Variants in RTTN observed in about 807,000 individuals in gnomAD.
The protein encoded by RTTN is rotatin.
RTTN carries 182 observed loss-of-function variants against 269.2 expected under a neutral mutation model. That is an observed-to-expected ratio of 0.68 (90% CI 0.60 to 0.76). RTTN has a LOEUF of 0.76. Ranked by LOEUF, RTTN falls within the 30% of genes least tolerant of loss-of-function variation. The probability of loss-of-function intolerance (pLI) is 0.00; values close to 1 mark genes in which losing one functional copy is unlikely to be tolerated. For missense variants in RTTN, 2,545 were observed against 2,608.6 expected (o/e 0.98, Z 0.53); for synonymous variants, 1,006 against 963.5 (o/e 1.04, Z -0.82).
At chr18:70,175,045 C>A (rs1277351872) in intron 11 of RTTN, among the ~76,000 whole-genome samples, 243 of 86,814 alleles carry the variant, frequency 2.8e-3, no homozygotes, top group Middle Eastern at 0.011. Context: ...AAACCAAAAC[C>A]AAAAAAAAAA....
rs2060373881 is a variant in RTTN at position 70,145,770 on chromosome 18, C to T, written c.2323G>A (p.Ala775Thr). 1 of 1,608,922 alleles carries T rather than the reference C, an allele frequency of 6.2e-7. No homozygotes were observed. Among genetic ancestry groups the T allele is most frequent in the Non-Finnish European group, 8.5e-7 (1 of 1,178,344 alleles). The change falls in exon 18 of 49, where the codon GCA (alanine) becomes ACA (threonine). Residue 775 changes from alanine to threonine, a missense_variant. Physicochemically the swap from Ala to Thr is moderately conservative, Grantham distance 58. Coordinates refer to ENST00000640769, the MANE Select transcript of RTTN (RefSeq NM_173630.4). The part of the protein sequence containing the change: ...LVKKPSVRSL[A>T]LKLLAFHLTS... ...AGATGGAATGCTAAAAGCTTTAATGCTAGCGAACGGACCCTGAGAACACAA... is the reference window on the plus strand; with the variant it reads ...AGATGGAATGCTAAAAGCTTTAATGTTAGCGAACGGACCCTGAGAACACAA...
chr18:70,133,649 C>CA (rs1366390770), intron 23 of RTTN, among the ~76,000 whole-genome samples: 4 of 151,906 alleles, frequency 2.6e-5, no homozygotes, highest in African/African-American at 9.7e-5. Flanking sequence ...TTATAAAGTT[C>CA]AAAAACTAGC....
chr18:70,011,089 GTAAT>G (rs1170308444), intron 46 of RTTN, among the ~76,000 whole-genome samples: 2 of 152,104 alleles, frequency 1.3e-5, no homozygotes, highest in Non-Finnish European at 2.9e-5. Context: ...AATTGAGGCA[GTAAT>G]TAATAGCCTA....
chr18:70,114,287 T>C (rs2059547626), intron 27 of RTTN, among the ~76,000 whole-genome samples, 158 bp downstream of exon 27: 1 of 152,110 alleles, frequency 6.6e-6, no homozygotes, highest in Non-Finnish European at 1.5e-5. Flanking sequence ...CAGATTAAAC[T>C]GAAACAAAAA....
intron 31 of RTTN, among the ~76,000 whole-genome samples, chr18:70,087,079 G>A (rs371502969): frequency 3.3e-5 from 5 of 150,496 alleles, no homozygotes; most frequent in East Asian, 1.9e-4. Flanking sequence ...ACAAACACAC[G>A]CACCCCTCTG....
In RTTN at chr18:70,205,630, A is replaced by C. The variant is rs2062061239; in HGVS notation, c.29T>G (p.Leu10Arg). Reference protein sequence around the residue: MVLAGLIRKLGHQLAEIRER... With the variant: MVLAGLIRKRGHQLAEIRER... Reference sequence around the variant, plus strand: ...GCGAGGGGCAAGCTGACAGTTACCGAGTTTCCTGATGAGCCCTGCCAGGAC... The same window carrying C: ...GCGAGGGGCAAGCTGACAGTTACCGCGTTTCCTGATGAGCCCTGCCAGGAC... Residue 10 changes from leucine (L) to arginine (R), a missense_variant and splice_region_variant, in exon 1 of 49, where the codon CTC becomes CGC. Physicochemically the swap from Leu to Arg is moderately radical, Grantham distance 102. Transcript: ENST00000640769. The C allele has an allele frequency of 6.2e-7, 1 of 1,614,034 alleles. No individual in the cohort carries two copies. Among genetic ancestry groups the C allele is most frequent in the Non-Finnish European group, 8.5e-7 (1 of 1,179,998 alleles).
chr18:70,039,708 G>A (rs1215475717), intron 40 of RTTN, among the ~76,000 whole-genome samples: 1 of 152,142 alleles, frequency 6.6e-6, no homozygotes, highest in Non-Finnish European at 1.5e-5. Flanking sequence ...CTTATCTTAA[G>A]TAGAGAGTCT....
intron 6 of RTTN, 129 bp downstream of exon 6, chr18:70,197,494 TA>T (rs1157706773): frequency 1.5e-5 from 10 of 674,802 alleles, no homozygotes; most frequent in Non-Finnish European, 2.7e-5. Flanking sequence ...GTGCTTTAAA[TA>T]GCCAAATACT....
intron 8 of RTTN, chr18:70,192,945 T>C (rs1425112460): frequency 5.6e-6 from 1 of 179,356 alleles, no homozygotes; most frequent in Non-Finnish European, 1.2e-5. Flanking sequence ...TCTAATGAAA[T>C]CGGAACTGAA....
chr18:70,130,373 T>C (rs1374451225), intron 23 of RTTN: 1 of 152,040 alleles, frequency 6.6e-6, no homozygotes, highest in African/African-American at 2.4e-5. Context: ...ATATGGAATC[T>C]ACCTAAGTGT....
In RTTN at chr18:70,168,529, T is replaced by C. The variant is rs114348498; in HGVS notation, c.1689+326A>G. ...AATAGCCCTTATAATTTTGGTTACATCAACTGTCATTCAGTTCATATCAGT... is the reference window on the plus strand; with the variant it reads ...AATAGCCCTTATAATTTTGGTTACACCAACTGTCATTCAGTTCATATCAGT... On this transcript the variant is annotated intron_variant, in intron 12 of 48. Transcript: ENST00000640769. Among the ~76,000 whole-genome samples, 770 of 152,284 alleles carry C rather than the reference T, an allele frequency of 5.1e-3. 7 individuals are homozygous for C. Among genetic ancestry groups the C allele is most frequent in the African/African-American group, 0.017 (723 of 41,558 alleles).
chr18:70,075,399 A>G lies in RTTN; in HGVS notation c.4517T>C (p.Leu1506Ser). ...HCYLGRCMFD[L>S]NFSAFDRNSE... is the part of the protein sequence containing the mutation. Reference sequence around the variant, plus strand: ...ATTTCTATCAAAAGCAGAAAAATTCAAATCAAACATACACCGTCCTAGGTA... The same window carrying G: ...ATTTCTATCAAAAGCAGAAAAATTCGAATCAAACATACACCGTCCTAGGTA... Residue 1506 changes from leucine (L) to serine (S), a missense_variant, in exon 33 of 49, where the codon TTG becomes TCG. Transcript: ENST00000640769. 1 of 1,595,592 alleles carries G rather than the reference A, an allele frequency of 6.3e-7. No homozygotes were observed. Among genetic ancestry groups the G allele is most frequent in the Admixed American group, 1.8e-5 (1 of 55,896 alleles).
At chr18:70,061,509 T>G in intron 35 of RTTN, 1 of 435,760 alleles carries the variant, frequency 2.3e-6, no homozygotes, top group East Asian at 7.1e-5. Context: ...TATATACGTA[T>G]GCATGCACAT....
chr18:70,175,273 T>C (rs2061262323), intron 11 of RTTN, among the ~76,000 whole-genome samples: 1 of 151,486 alleles, frequency 6.6e-6, no homozygotes, highest in South Asian at 2.1e-4. Flanking sequence ...AATAGAAAAG[T>C]AGGAAAAAGA....
At chr18:70,057,893 A>G in intron 36 of RTTN, 61 bp from the exon 37 acceptor site, 1 of 1,207,074 alleles carries the variant, frequency 8.3e-7, no homozygotes, top group Non-Finnish European at 1.2e-6. Flanking sequence ...TTAAAGATTA[A>G]GAAATCAGAA....
At chr18:70,006,132 A>T (rs1162132715) in intron 47 of RTTN, 1 of 365,730 alleles carries the variant, frequency 2.7e-6, no homozygotes, top group African/African-American at 2.1e-5. Context: ...AATCAATTTA[A>T]ATTAAGAGGA....
chr18:70,042,855 T>C (rs2057386487), intron 40 of RTTN, among the ~76,000 whole-genome samples: 3 of 152,204 alleles, frequency 2.0e-5, no homozygotes, highest in Admixed American at 1.3e-4. Flanking sequence ...GTACCTTTTC[T>C]CTGAAAGCTA....
intron 40 of RTTN, among the ~76,000 whole-genome samples, chr18:70,046,289 C>T (rs768518486): frequency 3.3e-5 from 5 of 152,158 alleles, no homozygotes; most frequent in Non-Finnish European, 7.3e-5. Context: ...GGCTCCCACA[C>T]CTATTGCCAT....
rs904313000 is a variant in RTTN, at chr18:70,128,103, G to A, written c.3143+255C>T. 50 of 431,558 alleles carry A rather than the reference G, an allele frequency of 1.2e-4. No individual in the cohort carries two copies. In the South Asian group the frequency reaches 1.4e-3, roughly 12 times the overall value. The allele number at this position is 431,558 out of a possible 1,614,324, so 26.7% of individuals were successfully genotyped here. On this transcript the variant is annotated intron_variant, in intron 24 of 48. Coordinates refer to ENST00000640769, the MANE Select transcript of RTTN (RefSeq NM_173630.4). ...CCTTTTCCTAGTGATTCATATCTACGAACAAATCAGACTTTAACCTCTAAA... is the reference window on the plus strand; with the variant it reads ...CCTTTTCCTAGTGATTCATATCTACAAACAAATCAGACTTTAACCTCTAAA...
Sources: gnomAD v4.1 joint callset for allele counts (sites outside exome capture counted in the v4.1 genomes callset) on GRCh38, gnomAD v4.1.1 for gene constraint, MANE v1.5 for transcripts, NCBI Gene and HGNC (gene_info 2026-07-23, HGNC 2026-07-21) for gene names.